LOC128092252: variants seen among roughly 807,000 people sequenced by gnomAD.
the LOC128092252 span, among the ~76,000 whole-genome samples, chr15:50,679,538 A>ATAT: frequency 5.1e-3 from 222 of 43,852 alleles, 5 homozygotes; most frequent in African/African-American, 0.02. Flanking sequence ...ATATATATAT[A>ATAT]TTTTTTTTTT....
chr15:50,650,140 CAG>C, the LOC128092252 span, among the ~76,000 whole-genome samples: 1 of 127,610 alleles, frequency 7.8e-6, no homozygotes, highest in South Asian at 2.4e-4. Context: ...CCACAGTGAG[CAG>C]AGATTGGGCC....
chr15:50,659,945 G>A, the LOC128092252 span, among the ~76,000 whole-genome samples: 4 of 152,084 alleles, frequency 2.6e-5, no homozygotes, highest in Non-Finnish European at 5.9e-5. Flanking sequence ...GATTACAGGC[G>A]TGAGCCACCA....
chr15:50,679,264 G>A, the LOC128092252 span, among the ~76,000 whole-genome samples: 9 of 151,282 alleles, frequency 5.9e-5, no homozygotes, highest in African/African-American at 2.2e-4. Context: ...GAGCCTAGGA[G>A]GTTGGGAATA....
chr15:50,681,459 T>C, the LOC128092252 span, among the ~76,000 whole-genome samples: 2 of 152,234 alleles, frequency 1.3e-5, no homozygotes, highest in Admixed American at 6.5e-5. Context: ...GGCTAATGTA[T>C]AGCCCTATCT....
the LOC128092252 span, among the ~76,000 whole-genome samples, chr15:50,681,264 T>TACACACACACACACACACACAC: frequency 0.011 from 1,583 of 146,928 alleles, 30 homozygotes; most frequent in African/African-American, 0.033. Context: ...AATAAATAAA[T>TACACACACACACACACACACAC]ACACACACAC....
chr15:50,659,960 C>T, the LOC128092252 span, among the ~76,000 whole-genome samples: 6 of 152,162 alleles, frequency 3.9e-5, no homozygotes, highest in East Asian at 5.8e-4. Flanking sequence ...CCACCACACC[C>T]GACCAACAAA....
the LOC128092252 span, among the ~76,000 whole-genome samples, chr15:50,664,734 G>A: frequency 6.6e-6 from 1 of 152,096 alleles, no homozygotes; most frequent in Non-Finnish European, 1.5e-5. Context: ...TGGGAGGCAG[G>A]AAGATGGCTT....
the LOC128092252 span, among the ~76,000 whole-genome samples, chr15:50,669,705 T>A: frequency 2.6e-5 from 4 of 152,138 alleles, no homozygotes; most frequent in Non-Finnish European, 5.9e-5. Flanking sequence ...TCATCAGTTG[T>A]TTGAGTTTTT....
the LOC128092252 span, among the ~76,000 whole-genome samples, chr15:50,668,450 A>G: frequency 6.6e-6 from 1 of 152,010 alleles, no homozygotes; most frequent in Non-Finnish European, 1.5e-5. Context: ...TCTCTACCCC[A>G]TTTCTCAATT....
At chr15:50,676,500 C>G in the LOC128092252 span, among the ~76,000 whole-genome samples, 3 of 152,040 alleles carry the variant, frequency 2.0e-5, no homozygotes, top group Non-Finnish European at 4.4e-5. Flanking sequence ...GGGAGGACTG[C>G]TTGAGGCCAG....
chr15:50,679,828 C>T, the LOC128092252 span, among the ~76,000 whole-genome samples: 4,707 of 152,020 alleles, frequency 0.031, 263 homozygotes, highest in African/African-American at 0.11. Context: ...AGCCACCATG[C>T]CCAGTCTTTT....
At chr15:50,663,104 A>G in the LOC128092252 span, 1 of 1,337,202 alleles carries the variant, frequency 7.5e-7, no homozygotes, top group Non-Finnish European at 1.1e-6. Flanking sequence ...TAAGAAGGAA[A>G]CAATTTCATG....
chr15:50,682,664 A>G, the LOC128092252 span, among the ~76,000 whole-genome samples: 1 of 152,162 alleles, frequency 6.6e-6, no homozygotes, highest in African/African-American at 2.4e-5. Flanking sequence ...AGAACTAACA[A>G]TTTAAATTAG....
the LOC128092252 span, among the ~76,000 whole-genome samples, chr15:50,685,902 TC>T: frequency 1.3e-5 from 2 of 151,716 alleles, no homozygotes; most frequent in African/African-American, 2.4e-5. Context: ...CACAGAAGCC[TC>T]CCCCCACCCA....
chr15:50,670,007 T>A, the LOC128092252 span, among the ~76,000 whole-genome samples: 5 of 152,230 alleles, frequency 3.3e-5, no homozygotes, highest in East Asian at 7.7e-4. Flanking sequence ...GCTTACTGAA[T>A]GTTTTATTAA....
chr15:50,666,570 G>A, the LOC128092252 span, among the ~76,000 whole-genome samples: 1 of 151,914 alleles, frequency 6.6e-6, no homozygotes, highest in Non-Finnish European at 1.5e-5. Flanking sequence ...TTGGGAGGCT[G>A]AGGCGGGCAG....
At chr15:50,686,156 G>A in the LOC128092252 span, among the ~76,000 whole-genome samples, 16 of 152,336 alleles carry the variant, frequency 1.1e-4, no homozygotes, top group South Asian at 3.1e-3. Context: ...GCGCCAGGAG[G>A]ACCGTGCTCC....
the LOC128092252 span, chr15:50,663,094 TA>T: frequency 7.1e-7 from 1 of 1,406,028 alleles, no homozygotes; most frequent in Non-Finnish European, 9.9e-7. Context: ...ACCCACTAAA[TA>T]AGAAGGAAAC....
the LOC128092252 span, among the ~76,000 whole-genome samples, chr15:50,666,525 C>T: frequency 2.6e-5 from 4 of 151,810 alleles, no homozygotes; most frequent in Admixed American, 2.0e-4. Flanking sequence ...AAAAAGAGGC[C>T]GGGTGCAGTG....
Sources: allele counts gnomAD v4.1 joint callset (sites outside exome capture counted in the v4.1 genomes callset), GRCh38; gene constraint gnomAD v4.1.1; transcripts MANE v1.5.